The following ZNF385D variants were observed in gnomAD, a reference collection of about 807,000 sequenced individuals.
The protein encoded by ZNF385D is zinc finger protein 385D, also known as zinc finger protein 659.
In ZNF385D, 15 loss-of-function variants were observed where a neutral mutation model predicts 35.8. The ratio of observed to expected loss-of-function variants is 0.42; its 90% CI spans 0.28 to 0.64. The LOEUF (loss-of-function observed/expected upper bound fraction) is 0.64. Ranked by LOEUF, ZNF385D falls within the 30% of genes least tolerant of loss-of-function variation. The pLI, the probability that ZNF385D is intolerant of heterozygous loss-of-function variation, is 0.23. For missense variants in ZNF385D, 474 were observed against 494.6 expected, an observed-to-expected ratio of 0.96 and a Z score of 0.39; for synonymous variants, 212 against 186.8, an observed-to-expected ratio of 1.13 and a Z score of -1.10.
chr3:21,819,378 A>C (rs2073293605), intron 3 of ZNF385D, among the ~76,000 whole-genome samples: 1 of 151,482 alleles, frequency 6.6e-6, no homozygotes, highest in East Asian at 1.9e-4. Flanking sequence ...CTCGAACCTA[A>C]AACAAGGTAA....
rs532613321 is a variant in ZNF385D, at chr3:21,515,188, C to T, written c.277-4165G>A. ...GGGTTTTGTCATTTTGAAACATGCT[C>T]ATGCACATTTATCTTATTTGGCTAA... On this transcript the variant is annotated intron_variant, in intron 3 of 7. Transcript: ENST00000281523. Among the ~76,000 whole-genome samples, 4 of 152,270 alleles carry T rather than the reference C, an allele frequency of 2.6e-5. No individual in the cohort carries two copies. In the East Asian group the frequency reaches 7.7e-4, roughly 29 times the overall value.
intron 4 of ZNF385D, among the ~76,000 whole-genome samples, chr3:21,496,342 C>A (rs1705845628): frequency 7.1e-6 from 1 of 141,332 alleles, no homozygotes. Flanking sequence ...CTTTAGGTAT[C>A]AAGTATATAT....
intron 3 of ZNF385D, among the ~76,000 whole-genome samples, chr3:22,068,971 T>C (rs1406841848): frequency 2.0e-5 from 3 of 152,208 alleles, no homozygotes; most frequent in African/African-American, 7.2e-5. Flanking sequence ...CCAGGTGCTA[T>C]CTTTACTCTC....
chr3:22,097,393 T>C (rs1401482343), intron 3 of ZNF385D, among the ~76,000 whole-genome samples: 2 of 151,968 alleles, frequency 1.3e-5, no homozygotes, highest in Admixed American at 1.3e-4. Context: ...AGTGGGAGTC[T>C]AAGATTCTTA....
At chr3:21,761,646 G>A (rs1426821510) in intron 3 of ZNF385D, among the ~76,000 whole-genome samples, 1 of 152,100 alleles carries the variant, frequency 6.6e-6, no homozygotes, top group East Asian at 1.9e-4. Context: ...GAGAGGATAA[G>A]ACACTTTGGA....
intron 3 of ZNF385D, among the ~76,000 whole-genome samples, chr3:21,923,975 A>G (rs1327868828): frequency 6.6e-6 from 1 of 152,210 alleles, no homozygotes; most frequent in East Asian, 1.9e-4. Flanking sequence ...CTGGAATAAA[A>G]TAAAGTAAAA....
intron 3 of ZNF385D, among the ~76,000 whole-genome samples, chr3:21,533,464 T>C (rs555030839): frequency 4.6e-5 from 7 of 152,240 alleles, no homozygotes; most frequent in African/African-American, 1.4e-4. Context: ...GTTCCATTAA[T>C]CCTATAGAAC....
chr3:22,218,075 A>T lies in ZNF385D; in HGVS notation c.107-49040T>A, dbSNP rs76421884. On this transcript the variant is annotated intron_variant, in intron 2 of 5. Coordinates refer to the ZNF385D transcript ENST00000494108. Reference sequence around the variant, plus strand: ...CTTATAGTTAAGAGTGTCTTGACTTATCTTGGTTATTTTAAACTTCATATA... The same window carrying T: ...CTTATAGTTAAGAGTGTCTTGACTTTTCTTGGTTATTTTAAACTTCATATA... Among the ~76,000 whole-genome samples, 738 of 152,210 alleles carry T rather than the reference A, an allele frequency of 4.8e-3. 10 individuals are homozygous for T. The highest frequency in any genetic ancestry group is 0.017 in the African/African-American group (691 of 41,564).
At chr3:21,664,790 T>G (rs1207917807) in intron 2 of ZNF385D, 96 bp downstream of exon 2, 6 of 1,524,324 alleles carry the variant, frequency 3.9e-6, no homozygotes, top group East Asian at 2.3e-5. Context: ...ATGAACAATA[T>G]AGCAAAATGG....
intron 3 of ZNF385D, among the ~76,000 whole-genome samples, chr3:21,972,744 A>C (rs1213163724): frequency 6.6e-6 from 1 of 151,986 alleles, no homozygotes; most frequent in Non-Finnish European, 1.5e-5. Flanking sequence ...AAAAAGGGAC[A>C]TTACAACTAA....
Position 21,924,456 on chromosome 3 carries a change from G to C in ZNF385D, c.325+244361C>G, listed in dbSNP as rs1296927796. The stretch of plus-strand genomic sequence containing the variant: ...CAAGGGACAGAAGAGGGGCAACCTA[G>C]TATCACAGAAAACTTTTAGACAGTA... On this transcript the variant is annotated intron_variant, in intron 3 of 5. Transcript: ENST00000494108. Among the ~76,000 whole-genome samples the C allele has an allele frequency of 2.0e-5, 3 of 152,164 alleles. No individual in the cohort carries two copies. The East Asian group carries it at 5.8e-4, about 29-fold the overall frequency.
intron 3 of ZNF385D, among the ~76,000 whole-genome samples, chr3:22,081,704 G>T (rs1700758050): frequency 6.6e-6 from 1 of 152,072 alleles, no homozygotes; most frequent in Non-Finnish European, 1.5e-5. Context: ...CCTTTCCACG[G>T]CAGCCTTTGA....
intron 3 of ZNF385D, among the ~76,000 whole-genome samples, chr3:21,834,728 G>A (rs1207324746): frequency 6.6e-6 from 1 of 151,810 alleles, no homozygotes; most frequent in Non-Finnish European, 1.5e-5. Flanking sequence ...ATCTTGGACT[G>A]TAATCCCCAC....
chr3:21,668,808 T>C (rs2066479459), intron 1 of ZNF385D, among the ~76,000 whole-genome samples: 1 of 152,214 alleles, frequency 6.6e-6, no homozygotes, highest in East Asian at 1.9e-4. Flanking sequence ...AAATATTCTC[T>C]TTGAGAAAAT....
intron 2 of ZNF385D, among the ~76,000 whole-genome samples, chr3:22,262,333 C>T (rs28406195): frequency 0.072 from 10,870 of 151,802 alleles, 1,040 homozygotes; most frequent in African/African-American, 0.22. Context: ...AGTTAACACA[C>T]ATGGAAGAAT....
intron 3 of ZNF385D, among the ~76,000 whole-genome samples, chr3:22,040,169 A>T (rs577093841): frequency 6.6e-6 from 1 of 152,130 alleles, no homozygotes; most frequent in African/African-American, 2.4e-5. Context: ...CATTACCCTC[A>T]TGATTTTCCT....
chr3:21,844,079 T>C (rs1302801171), intron 3 of ZNF385D, among the ~76,000 whole-genome samples: 2 of 151,928 alleles, frequency 1.3e-5, no homozygotes, highest in African/African-American at 4.8e-5. Context: ...CTGGCAGAGA[T>C]GGGAGATTTG....
chr3:22,108,577 A>C (rs945905935), intron 3 of ZNF385D, among the ~76,000 whole-genome samples: 1 of 152,216 alleles, frequency 6.6e-6, no homozygotes. Flanking sequence ...AAATCAGTTC[A>C]AATTCAAACT....
At chr3:22,261,092 T>C (rs889725499) in intron 2 of ZNF385D, among the ~76,000 whole-genome samples, 102 of 150,680 alleles carry the variant, frequency 6.8e-4, no homozygotes, top group African/African-American at 2.4e-3. Context: ...TACAACTATC[T>C]ATCCATCCAT....
Sources: allele counts gnomAD v4.1 joint callset (sites outside exome capture counted in the v4.1 genomes callset), GRCh38; gene constraint gnomAD v4.1.1; transcripts MANE v1.5; gene names NCBI Gene and HGNC (gene_info 2026-07-23, HGNC 2026-07-21).